The following CRACDL variants were observed in gnomAD, a reference collection of about 807,000 sequenced individuals.
The protein encoded by CRACDL is CRACD-like protein.
In CRACDL, 26 loss-of-function variants were observed where a neutral mutation model predicts 70.6. The ratio of observed to expected loss-of-function variants is 0.37; its 90% confidence interval spans 0.27 to 0.51. The LOEUF is 0.51. CRACDL is among the 20% of genes least tolerant of loss of function. The pLI is 0.94. For missense variants in CRACDL, 1,283 were observed against 1,376.9 expected (o/e 0.93, Z 1.08); for synonymous variants, 618 against 615.2 (o/e 1.00, Z -0.07).
At chr2:98,798,824 T>C (rs1186446046) in intron 7 of CRACDL, among the ~76,000 whole-genome samples, 2 of 152,066 alleles carry the variant, frequency 1.3e-5, no homozygotes, top group South Asian at 2.1e-4. Context: ...CCTGAGCAGC[T>C]GGGATTACAG....
intron 5 of CRACDL, among the ~76,000 whole-genome samples, chr2:98,831,319 TCA>T (rs2104496279): frequency 6.6e-6 from 1 of 152,294 alleles, no homozygotes; most frequent in South Asian, 2.1e-4. Flanking sequence ...TTCGGGGAAC[TCA>T]CAACTACACA....
chr2:98,925,948 A>G (rs1015869816), intron 1 of CRACDL, among the ~76,000 whole-genome samples: 1 of 152,062 alleles, frequency 6.6e-6, no homozygotes, highest in Admixed American at 6.6e-5. Context: ...CAGGAGGGAG[A>G]GGTTATGCAT....
chr2:98,888,626 G>T (rs1375070944), intron 1 of CRACDL, among the ~76,000 whole-genome samples: 1 of 152,186 alleles, frequency 6.6e-6, no homozygotes. Flanking sequence ...GAAATGTACA[G>T]AAACCAAAGG....
At chr2:98,931,341 A>G (rs1362253010) in intron 1 of CRACDL, among the ~76,000 whole-genome samples, 1 of 151,496 alleles carries the variant, frequency 6.6e-6, no homozygotes, top group African/African-American at 2.4e-5. Context: ...AAAAAAAAAA[A>G]AAAAGACACT....
At chr2:98,856,992 T>C (rs1706726527) in intron 1 of CRACDL, among the ~76,000 whole-genome samples, 1 of 152,226 alleles carries the variant, frequency 6.6e-6, no homozygotes, top group African/African-American at 2.4e-5. Flanking sequence ...TCTCTCCACC[T>C]GCTCTGTTGA....
intron 5 of CRACDL, among the ~76,000 whole-genome samples, chr2:98,831,325 C>T (rs982237773): frequency 1.3e-5 from 2 of 152,228 alleles, no homozygotes; most frequent in Non-Finnish European, 2.9e-5. Flanking sequence ...GAACTCACAA[C>T]TACACACAAA....
At chr2:98,907,466 G>C (rs1234247808) in intron 1 of CRACDL, among the ~76,000 whole-genome samples, 4 of 152,134 alleles carry the variant, frequency 2.6e-5, no homozygotes, top group Non-Finnish European at 5.9e-5. Flanking sequence ...CTTAGCATTT[G>C]GCCAAGACTC....
chr2:98,799,750 C>T (rs1459834550), intron 7 of CRACDL, among the ~76,000 whole-genome samples: 1 of 152,188 alleles, frequency 6.6e-6, no homozygotes, highest in East Asian at 1.9e-4. Flanking sequence ...CCACTCCTTC[C>T]ATCCTCCCAA....
At chr2:98,894,066 T>G (rs1284013898) in intron 1 of CRACDL, among the ~76,000 whole-genome samples, 1 of 151,866 alleles carries the variant, frequency 6.6e-6, no homozygotes, top group Non-Finnish European at 1.5e-5. Context: ...ACTCAGCTAC[T>G]CCGTGCCTGC....
chr2:98,910,776 G>A (rs573095225), intron 1 of CRACDL, among the ~76,000 whole-genome samples: 196 of 152,306 alleles, frequency 1.3e-3, no homozygotes, highest in Non-Finnish European at 2.3e-3. Flanking sequence ...TGGTGGCCTC[G>A]GCCAGGGTTT....
At chr2:98,916,946 A>G (rs939279368) in intron 1 of CRACDL, among the ~76,000 whole-genome samples, 8 of 152,216 alleles carry the variant, frequency 5.3e-5, no homozygotes, top group Non-Finnish European at 1.0e-4. Flanking sequence ...CTTTGCACCC[A>G]GTATCTGCTC....
At position 98,822,352 on chromosome 2, in the gene CRACDL, C is replaced by T. The variant is rs1456809096; in HGVS notation, c.1921G>A (p.Gly641Arg). 1 of 1,467,036 alleles carries T rather than the reference C, an allele frequency of 6.8e-7. No homozygotes were observed. The highest frequency in any genetic ancestry group is 8.9e-7 in the Non-Finnish European group (1 of 1,119,546). 90.9% of individuals were successfully genotyped at this position (1,467,036 alleles called of 1,614,324 possible). ...CCGGCCGGGCTGGCCGCCCTGTCCCCCGAGTCCTGAGGGCCGCGCTCCGCC... is the reference window on the plus strand; with the variant it reads ...CCGGCCGGGCTGGCCGCCCTGTCCCTCGAGTCCTGAGGGCCGCGCTCCGCC... Reference protein sequence around the residue: ...KLAERGPQDSGDRAASPAGPR... With the variant: ...KLAERGPQDSRDRAASPAGPR... Residue 641 changes from glycine to arginine, a missense_variant, in exon 7 of 10, where the codon GGG (glycine) becomes AGG (arginine). Transcript: ENST00000397899. This position sits in a 1 kb window ranked among gnomAD's most constrained non-coding sequence, Gnocchi z 4.9.
At chr2:98,891,531 AC>A (rs1707981379) in intron 1 of CRACDL, among the ~76,000 whole-genome samples, 1 of 152,038 alleles carries the variant, frequency 6.6e-6, no homozygotes. Flanking sequence ...ATGGTTCACA[AC>A]CTTGTTTGGG....
chr2:98,934,514 C>T (rs548023327), intron 1 of CRACDL, among the ~76,000 whole-genome samples: 3 of 152,190 alleles, frequency 2.0e-5, no homozygotes, highest in Admixed American at 6.5e-5. Flanking sequence ...CTTAACTAGC[C>T]TAAGAGGGCC....
Position 98,823,147 on chromosome 2 carries a change from G to C in CRACDL, c.1126C>G (p.Pro376Ala). The change falls in exon 7 of 10, where the codon CCC (proline) becomes GCC (alanine). Residue 376 changes from proline to alanine, a missense_variant. Around this residue, in one of 2 missense-constraint regions of CRACDL, gnomAD observed 921 missense variants for 881.9 expected, o/e 1.04. Coordinates refer to ENST00000397899, the MANE Select transcript of CRACDL (RefSeq NM_207362.3). The surrounding 1 kb of genome is among the most constrained non-coding windows in gnomAD (Gnocchi z 4.0). ...PDGGKQDGEAPPAGPCAPATD... is the reference protein window; with the variant it reads ...PDGGKQDGEAAPAGPCAPATD... The stretch of plus-strand genomic sequence containing the variant: ...GCCGGGGCACACGGGCCTGCGGGGG[G>C]CGCCTCCCCATCCTGCTTTCCGCCG... 1.3e-6 allele frequency: 2 copies of C among 1,557,104 alleles called. No homozygotes were observed.
chr2:98,821,994 G>T lies in CRACDL; in HGVS notation c.2279C>A (p.Pro760Gln). 1 of 1,530,292 alleles carries T rather than the reference G, an allele frequency of 6.5e-7. No homozygotes were observed. 94.8% of individuals were successfully genotyped at this position (1,530,292 alleles called of 1,614,324 possible). A position where few individuals can be genotyped will look rare whatever the true frequency, so the allele number is the denominator to read the frequency against. Residue 760 changes from proline (P) to glutamine (Q), a missense_variant, in exon 7 of 10, where the codon CCG becomes CAG. By Grantham distance (76) the Pro-to-Gln change is moderately conservative. Transcript: ENST00000397899. ...CAGAAGCGGCTTCCGGGGCAGGGGC[G>T]GCTTGGAGCTGAGCGGCTCGGGGGG... The part of the protein sequence containing the change: ...ARPPEPLSSK[P>Q]PLPRKPLLQS...
chr2:98,917,031 C>G (rs912886226), intron 1 of CRACDL, among the ~76,000 whole-genome samples: 3 of 152,228 alleles, frequency 2.0e-5, no homozygotes, highest in African/African-American at 7.2e-5. Flanking sequence ...CACCTTCTGT[C>G]TCCTATCTTG....
intron 2 of CRACDL, among the ~76,000 whole-genome samples, chr2:98,844,937 T>C (rs945893554): frequency 1.3e-5 from 2 of 152,222 alleles, no homozygotes; most frequent in African/African-American, 2.4e-5. Flanking sequence ...GCTACAAATC[T>C]ACAAAAGGGT....
chr2:98,856,677 T>C (rs1706713031), intron 1 of CRACDL, among the ~76,000 whole-genome samples: 1 of 152,218 alleles, frequency 6.6e-6, no homozygotes, highest in South Asian at 2.1e-4. Flanking sequence ...TGTAGTATAT[T>C]TGACAATAAC....
Sources: gnomAD v4.1 joint callset for allele counts (sites outside exome capture counted in the v4.1 genomes callset) on GRCh38, gnomAD v4.1.1 for gene constraint, gnomAD v4.1.1 regional missense constraint, Gnocchi (gnomAD v3.1) non-coding constraint, MANE v1.5 for transcripts, NCBI Gene and HGNC (gene_info 2026-07-23, HGNC 2026-07-21) for gene names.